SUGCT: variants seen among roughly 807,000 people sequenced by gnomAD.
The protein encoded by SUGCT is succinyl-CoA:glutarate-CoA transferase, also known as succinyl-CoA:glutarate CoA-transferase.
A neutral mutation model predicts 55.0 loss-of-function variants in SUGCT; 41 were observed. That is an observed-to-expected ratio of 0.74 (90% CI 0.58 to 0.97). The LOEUF (loss-of-function observed/expected upper bound fraction) is 0.97. Ranked by LOEUF, SUGCT falls within the 50% of genes least tolerant of loss-of-function variation. The pLI is 0.00. For missense variants in SUGCT, 568 were observed against 547.8 expected, an observed-to-expected ratio of 1.04 and a Z score of -0.37; for synonymous variants, 187 against 200.4, an observed-to-expected ratio of 0.93 and a Z score of 0.56.
chr7:40,328,365 C>T (rs1796119489), intron 9 of SUGCT, among the ~76,000 whole-genome samples: 1 of 152,166 alleles, frequency 6.6e-6, no homozygotes. Context: ...TTAATGAGAA[C>T]AGTCCTTGAG....
At chr7:40,608,803 G>A (rs1203420720) in intron 12 of SUGCT, among the ~76,000 whole-genome samples, 2 of 152,148 alleles carry the variant, frequency 1.3e-5, no homozygotes, top group Non-Finnish European at 2.9e-5. Context: ...AAAAAGAAAA[G>A]AGGGAAAACA....
the SUGCT span, among the ~76,000 whole-genome samples, chr7:40,950,393 C>T: frequency 1.3e-5 from 2 of 152,324 alleles, no homozygotes; most frequent in African/African-American, 4.8e-5. Context: ...ACAACCATGT[C>T]ATCTGCAAAC....
chr7:40,749,753 T>G (rs1787914104), intron 13 of SUGCT, among the ~76,000 whole-genome samples: 1 of 152,234 alleles, frequency 6.6e-6, no homozygotes, highest in African/African-American at 2.4e-5. Flanking sequence ...TTCCATTTTG[T>G]GTAATCACGT....
At chr7:40,642,632 GT>G in intron 12 of SUGCT, among the ~76,000 whole-genome samples, 1 of 152,288 alleles carries the variant, frequency 6.6e-6, no homozygotes, top group South Asian at 2.1e-4. Context: ...ATACTGGAAG[GT>G]AAGAGTCAGT....
At chr7:40,401,117 C>A (rs1182072170) in intron 9 of SUGCT, among the ~76,000 whole-genome samples, 2 of 152,000 alleles carry the variant, frequency 1.3e-5, no homozygotes, top group Non-Finnish European at 2.9e-5. Context: ...TGGTTTGATT[C>A]TTTTTTTCTT....
At chr7:40,401,375 G>T (rs1041899121) in intron 9 of SUGCT, among the ~76,000 whole-genome samples, 4 of 152,180 alleles carry the variant, frequency 2.6e-5, no homozygotes, top group Non-Finnish European at 5.9e-5. Flanking sequence ...ATTCAGAGAA[G>T]GGCTCTGCCC....
chr7:40,603,443 A>G (rs1384973644), intron 12 of SUGCT, among the ~76,000 whole-genome samples: 2 of 152,210 alleles, frequency 1.3e-5, no homozygotes, highest in African/African-American at 4.8e-5. Flanking sequence ...AGAGTTCCCA[A>G]AAGAGTCTAG....
intron 12 of SUGCT, among the ~76,000 whole-genome samples, chr7:40,591,841 T>A (rs1797738649): frequency 6.6e-6 from 1 of 152,238 alleles, no homozygotes; most frequent in South Asian, 2.1e-4. Flanking sequence ...TTTTTAGACG[T>A]AATGCTATTG....
At position 40,626,297 on chromosome 7, in the gene SUGCT, C is replaced by T. The variant is rs559060903; in HGVS notation, c.1090-123137C>T. ...TTGGAGATGGAGTCTCACTCTGTCA[C>T]CCAGGCTGGAGTGCGGTGGTGTGAT... is the stretch of plus-strand genomic sequence containing the variant. On this transcript the variant is annotated intron_variant, in intron 12 of 13. Transcript: ENST00000335693. 9.4e-4 allele frequency among the ~76,000 whole-genome samples: 143 copies of T among 151,984 alleles called. 2 individuals carry two copies. The highest frequency in any genetic ancestry group is 6.8e-3 in the Middle Eastern group (2 of 294).
chr7:40,176,602 C>G (rs1784933567), intron 1 of SUGCT, among the ~76,000 whole-genome samples: 1 of 151,782 alleles, frequency 6.6e-6, no homozygotes, highest in Admixed American at 6.6e-5. Flanking sequence ...TTTTTTTCTG[C>G]CAAATTGCTA....
chr7:40,841,256 CT>C (rs1793268051), intron 13 of SUGCT, among the ~76,000 whole-genome samples: 2 of 151,990 alleles, frequency 1.3e-5, no homozygotes, highest in African/African-American at 4.8e-5. Flanking sequence ...TCATCAATAA[CT>C]TTTTTACAGA....
intron 1 of SUGCT, among the ~76,000 whole-genome samples, chr7:40,144,084 G>C (rs1396231109): frequency 1.3e-5 from 2 of 152,150 alleles, no homozygotes; most frequent in Non-Finnish European, 2.9e-5. Flanking sequence ...GCTCTACACT[G>C]GGGGGCAAGA....
intron 9 of SUGCT, among the ~76,000 whole-genome samples, chr7:40,324,261 A>ATATATATATATATATT (rs377215730): frequency 0.012 from 1,243 of 99,730 alleles, 30 homozygotes; most frequent in African/African-American, 0.023. Flanking sequence ...AAATATATAT[A>ATATATATATATATATT]TATTTATTTT....
chr7:40,695,599 C>T (rs922458660), intron 12 of SUGCT, among the ~76,000 whole-genome samples: 3 of 152,066 alleles, frequency 2.0e-5, no homozygotes, highest in Admixed American at 6.6e-5. Flanking sequence ...GATGTGATAA[C>T]GTAATGGCAA....
chr7:40,319,210 C>T (rs1209519901), intron 9 of SUGCT, among the ~76,000 whole-genome samples: 1 of 152,088 alleles, frequency 6.6e-6, no homozygotes, highest in African/African-American at 2.4e-5. Context: ...AAGAAATCTA[C>T]CAGGTTATTT....
chr7:40,531,818 C>A (rs963244809), intron 12 of SUGCT, among the ~76,000 whole-genome samples: 1 of 151,614 alleles, frequency 6.6e-6, no homozygotes, highest in African/African-American at 2.4e-5. Flanking sequence ...GGACTACAGG[C>A]GCCCGCCACT....
At chr7:40,473,157 A>AT in intron 11 of SUGCT, among the ~76,000 whole-genome samples, 1 of 152,320 alleles carries the variant, frequency 6.6e-6, no homozygotes, top group African/African-American at 2.4e-5. Context: ...GACTTCTGCC[A>AT]TAAGTAGCCG....
chr7:40,957,830 C>T, the SUGCT span, among the ~76,000 whole-genome samples: 16 of 152,130 alleles, frequency 1.1e-4, 1 homozygote, highest in Admixed American at 4.6e-4. Flanking sequence ...TTAGTGCTTC[C>T]TTCAGGAGCT....
chr7:40,771,200 T>C (rs1167372761), intron 13 of SUGCT, among the ~76,000 whole-genome samples: 1 of 152,180 alleles, frequency 6.6e-6, no homozygotes, highest in African/African-American at 2.4e-5. Flanking sequence ...TAGCAAAACA[T>C]ACTTAGATTT....
Sources: allele counts gnomAD v4.1 joint callset (sites outside exome capture counted in the v4.1 genomes callset), GRCh38; gene constraint gnomAD v4.1.1; transcripts MANE v1.5; gene names NCBI Gene and HGNC (gene_info 2026-07-23, HGNC 2026-07-21).